Variants in MCF2L observed in about 807,000 individuals in gnomAD.
The protein encoded by MCF2L is MCF.2 cell line derived transforming sequence like.
A neutral mutation model predicts 153.4 loss-of-function variants in MCF2L; 97 were observed. The observed-to-expected ratio is 0.63, with a 90% CI of 0.54 to 0.75. The LOEUF is 0.75. Ranked by LOEUF, MCF2L falls within the 30% of genes least tolerant of loss-of-function variation. The pLI is 0.00. For synonymous variants in MCF2L, 659 were observed against 632.2 expected, an observed-to-expected ratio of 1.04 and a Z score of -0.64; for missense variants, 1,347 against 1,495.2, an observed-to-expected ratio of 0.90 and a Z score of 1.64.
At chr13:112,981,040 C>T (rs2082402205) in intron 1 of MCF2L, among the ~76,000 whole-genome samples, 2 of 152,018 alleles carry the variant, frequency 1.3e-5, no homozygotes, top group South Asian at 4.2e-4. Flanking sequence ...CGTCCCTTTC[C>T]TGTGCACTGG....
chr13:113,020,350 G>A (rs924059967), intron 2 of MCF2L, among the ~76,000 whole-genome samples: 6 of 152,204 alleles, frequency 3.9e-5, no homozygotes, highest in Admixed American at 6.5e-5. Flanking sequence ...CGTGTGAGTC[G>A]TCACACCCTT....
chr13:113,089,298 A>G (rs535977), intron 25 of MCF2L, among the ~76,000 whole-genome samples: 12,505 of 27,534 alleles, frequency 0.45, 2,544 homozygotes, highest in East Asian at 0.76. Context: ...GAGGGTGGGC[A>G]TCTGCTCTCA....
chr13:113,084,685 T>G, intron 18 of MCF2L: 1 of 586,258 alleles, frequency 1.7e-6, no homozygotes, highest in Non-Finnish European at 3.0e-6. Context: ...GGGAGCCCCA[T>G]TAATGGAGGG....
At chr13:112,924,707 A>G (rs2140584169) in intron 2 of MCF2L, among the ~76,000 whole-genome samples, 1 of 152,324 alleles carries the variant, frequency 6.6e-6, no homozygotes, top group South Asian at 2.1e-4. Context: ...TAAACACATC[A>G]TCTTTTTCTT....
At chr13:113,042,383 C>T (rs1472671774) in intron 3 of MCF2L, 1 of 152,234 alleles carries the variant, frequency 6.6e-6, no homozygotes, top group African/African-American at 2.4e-5. Flanking sequence ...AAATTTATGA[C>T]ACCTTAGATT....
chr13:113,015,435 CAGGGTGCCCCGATGCTGAGG>C (rs1224067694), intron 2 of MCF2L, among the ~76,000 whole-genome samples: 6 of 152,050 alleles, frequency 3.9e-5, no homozygotes, highest in South Asian at 4.1e-4. Context: ...CCTGGGCCAT[CAGGGTGCCCCGATGCTGAGG>C]AGGGTGCCCC....
At chr13:113,086,401 C>T in intron 21 of MCF2L, 152 bp downstream of exon 21, 1 of 1,048,454 alleles carries the variant, frequency 9.5e-7, no homozygotes, top group Non-Finnish European at 1.3e-6. Context: ...TAAGCCCACT[C>T]CCAGGCCCCA....
At chr13:112,968,143 G>GGT (rs1491489541), upstream of MCF2L, among the ~76,000 whole-genome samples, 6 of 5,192 alleles carry the variant, frequency 1.2e-3, no homozygotes, top group South Asian at 0.011. Context: ...GGAGTGAGGT[G>GGT]GGGGGGGGGG....
At chr13:113,038,689 G>C (rs1047203197) in intron 3 of MCF2L, among the ~76,000 whole-genome samples, 21 of 152,022 alleles carry the variant, frequency 1.4e-4, no homozygotes, top group Admixed American at 1.2e-3. Flanking sequence ...CAAGGGGTGA[G>C]GAATAGTCAC....
chr13:112,913,834 A>C (rs1217436019), intron 2 of MCF2L, among the ~76,000 whole-genome samples: 1 of 152,156 alleles, frequency 6.6e-6, no homozygotes, highest in Non-Finnish European at 1.5e-5. Context: ...CAACAGGTGC[A>C]CATTTAAAAC....
chr13:113,051,958 G>A (rs562053294), intron 4 of MCF2L, among the ~76,000 whole-genome samples: 1 of 152,168 alleles, frequency 6.6e-6, no homozygotes, highest in Non-Finnish European at 1.5e-5. Flanking sequence ...CCTCTGAAAG[G>A]TACTGCCTCT....
chr13:112,992,462 T>G (rs1335336993), intron 1 of MCF2L, among the ~76,000 whole-genome samples: 1 of 152,314 alleles, frequency 6.6e-6, no homozygotes, highest in African/African-American at 2.4e-5. Context: ...GAAGCCGTGC[T>G]CCTGTGGGGA....
intron 2 of MCF2L, among the ~76,000 whole-genome samples, chr13:112,946,249 T>C (rs1369086486): frequency 6.6e-6 from 1 of 151,392 alleles, no homozygotes; most frequent in Admixed American, 6.6e-5. Context: ...CTCCAAGAAA[T>C]ACATATGACT....
At chr13:112,898,682 G>A (rs1253934122) in intron 1 of MCF2L, among the ~76,000 whole-genome samples, 1 of 152,114 alleles carries the variant, frequency 6.6e-6, no homozygotes, top group African/African-American at 2.4e-5. Context: ...CACTTCACCA[G>A]CTATTCAGGC....
intron 2 of MCF2L, among the ~76,000 whole-genome samples, chr13:113,016,918 C>G (rs193125720): frequency 1.3e-3 from 193 of 152,324 alleles, no homozygotes; most frequent in African/African-American, 4.1e-3. Context: ...CAGCTGCCTC[C>G]CGGCTTCTAG....
intron 20 of MCF2L, among the ~76,000 whole-genome samples, chr13:113,085,845 CCGGGGAGCAGG>C (rs2034587794): frequency 3.1e-5 from 4 of 129,074 alleles, no homozygotes; most frequent in African/African-American, 1.2e-4. Flanking sequence ...AGGGAGCTCC[CCGGGGAGCAGG>C]TGCGAGGGGT....
chr13:112,989,550 A>G (rs71446932), intron 1 of MCF2L, among the ~76,000 whole-genome samples: 1 of 10,578 alleles, frequency 9.5e-5, no homozygotes, highest in Admixed American at 7.1e-4. Context: ...GAGCTACCAC[A>G]CTGGAGTCCT....
At chr13:113,072,650 AT>A (rs2033035981) in intron 9 of MCF2L, among the ~76,000 whole-genome samples, 2 of 152,084 alleles carry the variant, frequency 1.3e-5, no homozygotes, top group South Asian at 4.2e-4. Flanking sequence ...TGTTTATAGT[AT>A]TCTTTCTTAT....
At chr13:112,940,948 A>T (rs74331060) in intron 2 of MCF2L, among the ~76,000 whole-genome samples, 1 of 151,960 alleles carries the variant, frequency 6.6e-6, no homozygotes, top group Non-Finnish European at 1.5e-5. Flanking sequence ...CGCTGAGCCC[A>T]CCCTCCTCCT....
Sources: allele counts gnomAD v4.1 joint callset (sites outside exome capture counted in the v4.1 genomes callset), GRCh38; gene constraint gnomAD v4.1.1; transcripts MANE v1.5; gene names NCBI Gene and HGNC (gene_info 2026-07-23, HGNC 2026-07-21).